Variants in RBFOX1 observed in about 807,000 individuals in gnomAD.
RBFOX1 encodes the protein RNA binding fox-1 homolog 1, also known as RNA binding protein fox-1 homolog 1.
In RBFOX1, 8 loss-of-function variants were observed where a neutral mutation model predicts 57.7. That is an observed-to-expected ratio of 0.14 (90% CI 0.08 to 0.25). RBFOX1 has a LOEUF of 0.25. Among genes scored for constraint, RBFOX1 ranks in the 10% least tolerant of loss-of-function variants. The pLI, the probability that RBFOX1 is intolerant of heterozygous loss-of-function variation, is 1.00. For synonymous variants in RBFOX1, 326 were observed against 222.4 expected, an observed-to-expected ratio of 1.47 and a Z score of -4.15; for missense variants, 611 against 548.5, an observed-to-expected ratio of 1.11 and a Z score of -1.14.
At chr16:6,064,668 G>C (rs1457648848) in intron 1 of RBFOX1, among the ~76,000 whole-genome samples, 1 of 152,068 alleles carries the variant, frequency 6.6e-6, no homozygotes, top group African/African-American at 2.4e-5. Context: ...AGCCTCCCAA[G>C]TAGCTGAGAC....
chr16:5,960,785 A>T (rs1024701666), intron 4 of RBFOX1, among the ~76,000 whole-genome samples: 1 of 152,194 alleles, frequency 6.6e-6, no homozygotes, highest in African/African-American at 2.4e-5. Context: ...CCTTTGATTT[A>T]ATCAGCCCCT....
chr16:5,276,770 C>T (rs995862167), intron 1 of RBFOX1, among the ~76,000 whole-genome samples: 2 of 152,066 alleles, frequency 1.3e-5, no homozygotes, highest in African/African-American at 4.8e-5. Context: ...GACTTCATCT[C>T]AAAACAACAA....
chr16:7,277,415 G>A lies in RBFOX1; in HGVS notation c.27+225317G>A, dbSNP rs114526221. Among the ~76,000 whole-genome samples, 793 of 152,286 alleles carry A rather than the reference G, an allele frequency of 5.2e-3. 11 individuals carry two copies. The highest frequency in any genetic ancestry group is 0.018 in the African/African-American group (744 of 41,550). On this transcript the variant is annotated intron_variant, in intron 4 of 15. Transcript: ENST00000550418. ...TCTCCCACCCATCTCCAGCTGGAATGTTGTACATTCTCTGTGCCACCAGAA... is the reference window on the plus strand; with the variant it reads ...TCTCCCACCCATCTCCAGCTGGAATATTGTACATTCTCTGTGCCACCAGAA...
intron 2 of RBFOX1, among the ~76,000 whole-genome samples, chr16:6,618,123 C>A (rs371193011): frequency 1.4e-4 from 22 of 151,986 alleles, no homozygotes; most frequent in African/African-American, 5.1e-4. Context: ...TTATCCTAAC[C>A]GTCAGTGCTC....
chr16:5,518,848 C>A (rs372978562), intron 2 of RBFOX1, among the ~76,000 whole-genome samples: 4 of 152,112 alleles, frequency 2.6e-5, no homozygotes, highest in Non-Finnish European at 4.4e-5. Context: ...TGAGTTGAAC[C>A]GCATCCCTAT....
intron 4 of RBFOX1, among the ~76,000 whole-genome samples, chr16:7,475,214 A>G (rs1416219206): frequency 1.1e-4 from 16 of 152,122 alleles, no homozygotes; most frequent in Admixed American, 1.0e-3. Context: ...AGATTATTGA[A>G]GAACAAAAGG....
chr16:6,278,377 C>CAAAA lies in RBFOX1; in HGVS notation c.-126-38586_-126-38583dup, dbSNP rs57523660. 4.5e-3 allele frequency among the ~76,000 whole-genome samples: 127 copies of CAAAA among 28,074 alleles called. 19 individuals carry two copies. Among genetic ancestry groups the CAAAA allele is most frequent in the East Asian group, 0.012 (8 of 644 alleles). The allele number at this position is 28,074 out of a possible 152,430, so 18.4% of individuals were successfully genotyped here. A position where few individuals can be genotyped will look rare whatever the true frequency, so the allele number is the denominator to read the frequency against. On this transcript the variant is annotated intron_variant, in intron 1 of 15. Transcript: ENST00000550418. The stretch of plus-strand genomic sequence containing the variant: ...AACTGGGGGAAATTGTAGGACTCAC[C>CAAAA]AAAAAAAAAAAAAAAAAAAAAAAAA...
At chr16:7,061,248 ATTTAAAATGTTT>A (rs536315802) in intron 4 of RBFOX1, among the ~76,000 whole-genome samples, 144 of 152,318 alleles carry the variant, frequency 9.5e-4, no homozygotes, top group Non-Finnish European at 1.5e-3. Context: ...TCATAAGTAC[ATTTAAAATGTTT>A]TTTAAAATGT....
chr16:7,054,766 G>T (rs796489098), intron 4 of RBFOX1, among the ~76,000 whole-genome samples: 1 of 152,208 alleles, frequency 6.6e-6, no homozygotes, highest in East Asian at 1.9e-4. Context: ...TGCATTTCCA[G>T]ATTTGCTATC....
At chr16:6,469,989 C>A (rs920608807) in intron 2 of RBFOX1, among the ~76,000 whole-genome samples, 4 of 152,230 alleles carry the variant, frequency 2.6e-5, no homozygotes, top group African/African-American at 4.8e-5. Flanking sequence ...TCATTCTAGA[C>A]AACAAAGTAA....
At chr16:7,339,393 GTTTA>G (rs2096851208) in intron 4 of RBFOX1, among the ~76,000 whole-genome samples, 1 of 152,136 alleles carries the variant, frequency 6.6e-6, no homozygotes, top group African/African-American at 2.4e-5. Flanking sequence ...TATAAAGTAT[GTTTA>G]TTCTGTATTA....
chr16:6,512,025 C>T (rs1268644610), intron 2 of RBFOX1, among the ~76,000 whole-genome samples: 1 of 151,920 alleles, frequency 6.6e-6, no homozygotes, highest in Non-Finnish European at 1.5e-5. Flanking sequence ...AATCCAAGCC[C>T]TCTGAGAGGC....
At chr16:6,955,059 C>G (rs28427559) in intron 3 of RBFOX1, among the ~76,000 whole-genome samples, 23,482 of 132,890 alleles carry the variant, frequency 0.18, 2,093 homozygotes, top group Middle Eastern at 0.2. Flanking sequence ...TGGGAAACCC[C>G]ATCTCTACAA....
intron 4 of RBFOX1, among the ~76,000 whole-genome samples, chr16:7,193,617 T>C (rs7206676): frequency 0.4 from 61,518 of 152,104 alleles, 12,975 homozygotes; most frequent in Non-Finnish European, 0.47. Flanking sequence ...AGGTACTACA[T>C]TGTGTATTCT....
At chr16:6,344,407 C>CTTTTTTCTTTTT (rs1555635137) in intron 2 of RBFOX1, among the ~76,000 whole-genome samples, 1 of 109,846 alleles carries the variant, frequency 9.1e-6, no homozygotes. Flanking sequence ...TCTTTTTTTT[C>CTTTTTTCTTTTT]TTTTTTTTTT....
intron 4 of RBFOX1, among the ~76,000 whole-genome samples, chr16:7,350,570 A>T (rs1323901877): frequency 6.6e-6 from 1 of 152,176 alleles, no homozygotes; most frequent in African/African-American, 2.4e-5. Flanking sequence ...TGGGAGGAGG[A>T]TGGACAAATA....
chr16:5,836,988 T>C (rs1034231255), intron 3 of RBFOX1, among the ~76,000 whole-genome samples: 1 of 152,330 alleles, frequency 6.6e-6, no homozygotes, highest in East Asian at 1.9e-4. Flanking sequence ...AACTGGGTCA[T>C]GTGATAGTCT....
intron 3 of RBFOX1, among the ~76,000 whole-genome samples, chr16:6,947,158 A>C (rs538516962): frequency 6.6e-6 from 1 of 152,182 alleles, no homozygotes; most frequent in South Asian, 2.1e-4. Flanking sequence ...TCAAGGTCCA[A>C]TAAATCACTG....
chr16:7,211,784 C>G (rs556914881), intron 4 of RBFOX1, among the ~76,000 whole-genome samples: 8 of 152,292 alleles, frequency 5.3e-5, no homozygotes, highest in Non-Finnish European at 8.8e-5. Flanking sequence ...CCCCCTGTCT[C>G]TAGGTTGCTA....
Sources: gnomAD v4.1 joint callset for allele counts (sites outside exome capture counted in the v4.1 genomes callset) on GRCh38, gnomAD v4.1.1 for gene constraint, MANE v1.5 for transcripts, NCBI Gene and HGNC (gene_info 2026-07-23, HGNC 2026-07-21) for gene names.